The following PDE3A variants were observed in gnomAD, a reference collection of about 807,000 sequenced individuals.
The protein encoded by PDE3A is phosphodiesterase 3A.
PDE3A carries 43 observed loss-of-function variants against 98.3 expected under a neutral mutation model. The ratio of observed to expected loss-of-function variants is 0.44; its 90% confidence interval spans 0.34 to 0.56. The LOEUF (loss-of-function observed/expected upper bound fraction) is 0.56, where lower values mean the gene tolerates loss of function less well. PDE3A is among the 20% of genes least tolerant of loss of function. PDE3A has a pLI of 0.01. For missense variants in PDE3A, 1,427 were observed against 1,440.7 expected (o/e 0.99, Z 0.15); for synonymous variants, 663 against 567.9 (o/e 1.17, Z -2.38).
At chr12:20,672,140 G>T (rs1945499108) in intron 15 of PDE3A, among the ~76,000 whole-genome samples, 1 of 149,476 alleles carries the variant, frequency 6.7e-6, no homozygotes, top group Non-Finnish European at 1.5e-5. Context: ...CAACTTACAA[G>T]GGATGTGAAG....
At chr12:20,515,701 T>TATTG (rs1455722969) in intron 1 of PDE3A, among the ~76,000 whole-genome samples, 4 of 24,536 alleles carry the variant, frequency 1.6e-4, no homozygotes, top group Non-Finnish European at 6.9e-4. Context: ...CACACTGTAT[T>TATTG]ATTTATTTAT....
intron 1 of PDE3A, among the ~76,000 whole-genome samples, chr12:20,385,983 T>TAATATATATGAAATATATATATA (rs1943752825): frequency 1.4e-5 from 1 of 69,900 alleles, no homozygotes; most frequent in Non-Finnish European, 2.8e-5. Context: ...TATTAATATA[T>TAATATATATGAAATATATATATA]AATATATATA....
intron 1 of PDE3A, among the ~76,000 whole-genome samples, chr12:20,535,705 A>C (rs1009895087): frequency 6.6e-6 from 1 of 152,146 alleles, no homozygotes. Flanking sequence ...GATGGCCAGA[A>C]TACTGTCTTC....
chr12:20,610,286 G>A (rs1028223036), intron 2 of PDE3A, among the ~76,000 whole-genome samples: 1 of 151,930 alleles, frequency 6.6e-6, no homozygotes, highest in African/African-American at 2.4e-5. Context: ...CAACATATAT[G>A]TATGGAAAAG....
intron 1 of PDE3A, among the ~76,000 whole-genome samples, chr12:20,480,585 A>G (rs2121002405): frequency 6.6e-6 from 1 of 152,316 alleles, no homozygotes; most frequent in Non-Finnish European, 1.5e-5. Flanking sequence ...GGTTATTTGC[A>G]AGTCTATTAG....
At chr12:20,572,479 C>A (rs1009221057) in intron 2 of PDE3A, among the ~76,000 whole-genome samples, 13 of 151,948 alleles carry the variant, frequency 8.6e-5, no homozygotes, top group African/African-American at 3.1e-4. Context: ...AAATGAAAAC[C>A]AGATCTTTCC....
At chr12:20,487,773 T>G (rs1200295223) in intron 1 of PDE3A, among the ~76,000 whole-genome samples, 4 of 152,106 alleles carry the variant, frequency 2.6e-5, no homozygotes, top group African/African-American at 9.7e-5. Context: ...TAAATGAGAT[T>G]GCTGTCAGTT....
chr12:20,562,962 G>A (rs1251527303), intron 2 of PDE3A, among the ~76,000 whole-genome samples: 1 of 152,168 alleles, frequency 6.6e-6, no homozygotes, highest in Non-Finnish European at 1.5e-5. Context: ...ACTATCATCA[G>A]TATGCTTACA....
At position 20,410,995 on chromosome 12, in the gene PDE3A, C is replaced by G. The variant is rs192982251; in HGVS notation, c.960+40751C>G. ...CACAATTCATGCTCTTCTGCCTTGT[C>G]AGGCTGGATCTCCTTACTTTGTTTT... is the stretch of plus-strand genomic sequence containing the variant. On this transcript the variant is annotated intron_variant, in intron 1 of 15. Transcript: ENST00000359062. Among the ~76,000 whole-genome samples, 378 of 152,330 alleles carry G rather than the reference C, an allele frequency of 2.5e-3. 5 individuals are homozygous for G. The highest frequency in any genetic ancestry group is 6.3e-3 in the African/African-American group (260 of 41,576).
chr12:20,505,383 A>G (rs1946096910), intron 1 of PDE3A, among the ~76,000 whole-genome samples: 4 of 152,068 alleles, frequency 2.6e-5, no homozygotes, highest in South Asian at 2.1e-4. Flanking sequence ...TGATCACTCA[A>G]TCTAATTCAA....
chr12:20,582,208 T>C (rs1187664753), intron 2 of PDE3A, among the ~76,000 whole-genome samples: 4 of 152,114 alleles, frequency 2.6e-5, no homozygotes, highest in African/African-American at 9.7e-5. Context: ...TCGTTGTTAT[T>C]ATTGAGACTG....
chr12:20,419,386 A>T (rs938885427), intron 1 of PDE3A, among the ~76,000 whole-genome samples: 3 of 151,878 alleles, frequency 2.0e-5, no homozygotes, highest in African/African-American at 7.3e-5. Context: ...TTGAACTCCT[A>T]GGTTCAAGTG....
intron 1 of PDE3A, 145 bp downstream of exon 1, chr12:20,370,389 GTTTTTTTTTTGTTTTTTTTGTT>G (rs762481675): frequency 1.1e-4 from 47 of 424,922 alleles, no homozygotes; most frequent in South Asian, 2.8e-4. Context: ...AAACTAGCAG[GTTTTTTTTTTGTTTTTTTTGTT>G]TTTTTTTTTT....
At chr12:20,643,986 A>C (rs1944709456) in intron 10 of PDE3A, among the ~76,000 whole-genome samples, 1 of 152,144 alleles carries the variant, frequency 6.6e-6, no homozygotes, top group African/African-American at 2.4e-5. Flanking sequence ...GGCTCTGCCA[A>C]CACTGTGATA....
In PDE3A at chr12:20,687,339, G is replaced by T. The variant is rs562777084; in HGVS notation, c.*7068G>T. On this transcript the variant is annotated 3_prime_UTR_variant, in exon 16 of 16. Transcript: ENST00000359062. ...AAGGATAATTTAGTATTATAGTATTGCTAACTTTAATAATTCTACCATATC... is the reference window on the plus strand; with the variant it reads ...AAGGATAATTTAGTATTATAGTATTTCTAACTTTAATAATTCTACCATATC... Among the ~76,000 whole-genome samples the T allele has an allele frequency of 5.3e-5, 8 of 151,940 alleles. No homozygotes were observed. Among genetic ancestry groups the T allele is most frequent in the East Asian group, 1.9e-4 (1 of 5,150 alleles).
chr12:20,397,541 G>A (rs1944040812), intron 1 of PDE3A, among the ~76,000 whole-genome samples: 3 of 151,874 alleles, frequency 2.0e-5, no homozygotes, highest in Admixed American at 1.3e-4. Flanking sequence ...AAGTATACAT[G>A]TATAATATAG....
chr12:20,422,885 A>G (rs972909448), intron 1 of PDE3A, among the ~76,000 whole-genome samples: 10 of 152,198 alleles, frequency 6.6e-5, no homozygotes, highest in African/African-American at 2.2e-4. Context: ...TCCAACACTT[A>G]CATGTTTATT....
rs1372140988 is a variant in PDE3A at position 20,552,441 on chromosome 12, C to T, written c.961-4219C>T. 2 of 1,612,660 alleles carry T rather than the reference C, an allele frequency of 1.2e-6. No homozygotes were observed. The highest frequency in any genetic ancestry group is 2.2e-5 in the East Asian group (1 of 44,842). On this transcript the variant is annotated intron_variant, in intron 1 of 15. Coordinates refer to ENST00000359062, the MANE Select transcript of PDE3A (RefSeq NM_000921.5). This position sits in a 1 kb window ranked among gnomAD's most constrained non-coding sequence, Gnocchi z 5.1. ...ACCGGATCAAGAAGCTGGGGCTGACCATGCAGTATCCAGAAGGCTACCTGG... is the reference window on the plus strand; with the variant it reads ...ACCGGATCAAGAAGCTGGGGCTGACTATGCAGTATCCAGAAGGCTACCTGG...
At position 20,369,592 on chromosome 12, in the gene PDE3A, CAGCCCCGGG is replaced by C; in HGVS notation, c.312_320del (p.Pro105_Ala107del). 1 of 1,560,522 alleles carries C rather than the reference CAGCCCCGGG, an allele frequency of 6.4e-7. No homozygotes were observed. Among genetic ancestry groups the C allele is most frequent in the Non-Finnish European group, 8.7e-7 (1 of 1,153,762 alleles). ...GCGGCGGCGGCGGAGGAGGAGGAAG[CAGCCCCGGG>C]AGCAGAAGGGGGCGTCTTCCCGGGG... On this transcript the variant is annotated inframe_deletion, in exon 1 of 16. Transcript: ENST00000359062.
Sources: allele counts gnomAD v4.1 joint callset (sites outside exome capture counted in the v4.1 genomes callset), GRCh38; gene constraint gnomAD v4.1.1; non-coding constraint Gnocchi (gnomAD v3.1); transcripts MANE v1.5; gene names NCBI Gene and HGNC (gene_info 2026-07-23, HGNC 2026-07-21).